The following ADAM10 variants were observed in gnomAD, a reference collection of about 807,000 sequenced individuals.
ADAM10 encodes the protein ADAM metallopeptidase domain 10.
A neutral mutation model predicts 90.1 loss-of-function variants in ADAM10; 17 were observed. The ratio of observed to expected loss-of-function variants is 0.19; its 90% CI spans 0.13 to 0.28. The LOEUF (loss-of-function observed/expected upper bound fraction) is 0.28. Ranked by LOEUF, ADAM10 falls within the 10% of genes least tolerant of loss-of-function variation. The pLI, the probability that ADAM10 is intolerant of heterozygous loss-of-function variation, is 1.00. For synonymous variants in ADAM10, 310 were observed against 298.6 expected (o/e 1.04, Z -0.40); for missense variants, 610 against 914.3 (o/e 0.67, Z 4.29).
intron 2 of ADAM10, among the ~76,000 whole-genome samples, chr15:58,700,262 T>C (rs1024883583): frequency 1.2e-4 from 18 of 152,188 alleles, no homozygotes; most frequent in African/African-American, 4.3e-4. Context: ...CATTTACAGA[T>C]TTCATACAAC....
rs1441565753 is a variant in ADAM10, at chr15:58,589,001, AAGG to A, written c.*8543_*8545del. ...GAAAATTTATCTCCAGGTATGACGGAAGGAGGTTGTGCTGCCACAGGATTTAGA... is the reference window on the plus strand; with the variant it reads ...GAAAATTTATCTCCAGGTATGACGGAAGGTTGTGCTGCCACAGGATTTAGA... On this transcript the variant is annotated 3_prime_UTR_variant, in exon 16 of 16. Transcript: ENST00000260408. The A allele has an allele frequency of 2.0e-5, 3 of 152,238 alleles. No homozygotes were observed. The highest frequency in any genetic ancestry group is 2.9e-5 in the Non-Finnish European group (2 of 68,044). 9.4% of individuals were successfully genotyped at this position (152,238 alleles called of 1,614,324 possible). A position where few individuals can be genotyped will look rare whatever the true frequency, so the allele number is the denominator to read the frequency against.
chr15:58,668,573 A>G (rs1351455686), intron 4 of ADAM10, among the ~76,000 whole-genome samples: 1 of 151,916 alleles, frequency 6.6e-6, no homozygotes, highest in African/African-American at 2.4e-5. Context: ...CCTTATCTTC[A>G]AGGTTCAAGT....
intron 1 of ADAM10, among the ~76,000 whole-genome samples, chr15:58,719,379 C>A (rs1268539833): frequency 1.1e-4 from 16 of 152,012 alleles, no homozygotes; most frequent in African/African-American, 3.9e-4. Flanking sequence ...TGTTTCCTTT[C>A]ATGCAGGAAA....
Position 58,592,658 on chromosome 15 carries a change from A to C in ADAM10, c.*4889T>G, listed in dbSNP as rs1484760787. The C allele has an allele frequency of 6.6e-6, 1 of 152,094 alleles. No homozygotes were observed. The highest frequency in any genetic ancestry group is 1.9e-4 in the East Asian group (1 of 5,202). 9.4% of individuals were successfully genotyped at this position (152,094 alleles called of 1,614,324 possible). On this transcript the variant is annotated 3_prime_UTR_variant, in exon 16 of 16. Coordinates refer to ENST00000260408, the MANE Select transcript of ADAM10 (RefSeq NM_001110.4). ...TTGCATTTGAATTATGTCTAAAGCT[A>C]ATCAACTGAATTAAGCATGAGTCTT...
At chr15:58,631,562 T>C (rs1205103187) in intron 9 of ADAM10, among the ~76,000 whole-genome samples, 1 of 152,042 alleles carries the variant, frequency 6.6e-6, no homozygotes, top group Admixed American at 6.6e-5. Flanking sequence ...ATACAGAAAC[T>C]CAGGCCCCAT....
intron 5 of ADAM10, among the ~76,000 whole-genome samples, chr15:58,659,500 G>T (rs1896917873): frequency 2.0e-5 from 3 of 152,070 alleles, no homozygotes; most frequent in African/African-American, 7.2e-5. Context: ...TTATGTTTAT[G>T]TGGTGGATTA....
chr15:58,700,989 A>G (rs1235082578), intron 2 of ADAM10, among the ~76,000 whole-genome samples: 2 of 149,856 alleles, frequency 1.3e-5, no homozygotes, highest in Non-Finnish European at 3.0e-5. Flanking sequence ...TGGGAGACAG[A>G]ACAAAATTCC....
At chr15:58,664,064 T>G (rs1325288090) in intron 5 of ADAM10, among the ~76,000 whole-genome samples, 1 of 152,104 alleles carries the variant, frequency 6.6e-6, no homozygotes, top group African/African-American at 2.4e-5. Flanking sequence ...TACCCTCATG[T>G]TAAAAATTCT....
chr15:58,659,084 C>T (rs1022796380), intron 5 of ADAM10, among the ~76,000 whole-genome samples: 15 of 152,026 alleles, frequency 9.9e-5, no homozygotes, highest in South Asian at 4.1e-4. Context: ...ACCAGCCTGA[C>T]CAACATGGTG....
chr15:58,715,807 G>A (rs1336427045), intron 2 of ADAM10, among the ~76,000 whole-genome samples: 1 of 152,084 alleles, frequency 6.6e-6, no homozygotes, highest in Non-Finnish European at 1.5e-5. Context: ...TATTCAATAT[G>A]AATTACATGA....
intron 14 of ADAM10, among the ~76,000 whole-genome samples, chr15:58,605,286 C>T (rs1895237567): frequency 6.6e-6 from 1 of 152,196 alleles, no homozygotes; most frequent in Non-Finnish European, 1.5e-5. Flanking sequence ...ATGTATCTCA[C>T]AAGCCCAATG....
At chr15:58,723,501 A>T (rs1898926088) in intron 1 of ADAM10, among the ~76,000 whole-genome samples, 2 of 151,916 alleles carry the variant, frequency 1.3e-5, no homozygotes, top group African/African-American at 4.8e-5. Context: ...CCTGGCCAAC[A>T]GAGTGGTGAA....
chr15:58,727,268 G>A (rs1899070986), intron 1 of ADAM10, among the ~76,000 whole-genome samples: 1 of 135,534 alleles, frequency 7.4e-6, no homozygotes, highest in African/African-American at 2.8e-5. Flanking sequence ...TCGGCTCACT[G>A]CAACCTCTGC....
At chr15:58,641,440 C>T (rs1249402924) in intron 7 of ADAM10, among the ~76,000 whole-genome samples, 1 of 152,170 alleles carries the variant, frequency 6.6e-6, no homozygotes, top group Non-Finnish European at 1.5e-5. Flanking sequence ...GTTCAGCAGA[C>T]AAATCATTTT....
intron 7 of ADAM10, among the ~76,000 whole-genome samples, chr15:58,642,455 A>T (rs1896440422): frequency 1.3e-5 from 2 of 150,588 alleles, no homozygotes; most frequent in Non-Finnish European, 1.5e-5. Flanking sequence ...ACAGAGTGAG[A>T]CTCCTTCTCA....
At chr15:58,735,757 T>C (rs1323043199) in intron 1 of ADAM10, among the ~76,000 whole-genome samples, 5 of 152,242 alleles carry the variant, frequency 3.3e-5, no homozygotes, top group Non-Finnish European at 2.9e-5. Flanking sequence ...TTTACTAATC[T>C]GCCTTTTAAA....
At chr15:58,655,698 A>ATATAT (rs1896797439) in intron 5 of ADAM10, among the ~76,000 whole-genome samples, 1 of 44,030 alleles carries the variant, frequency 2.3e-5, no homozygotes, top group African/African-American at 2.2e-4. Context: ...TATATATAGT[A>ATATAT]TATATATATA....
intron 5 of ADAM10, among the ~76,000 whole-genome samples, chr15:58,649,825 T>C (rs1407300888): frequency 6.6e-6 from 1 of 152,096 alleles, no homozygotes; most frequent in African/African-American, 2.4e-5. Context: ...TTGTTTGATA[T>C]CTCTCTGTTA....
At chr15:58,597,741 T>A (rs1894997102) in intron 15 of ADAM10, 100 bp from the exon 16 acceptor site, 6 of 1,325,664 alleles carry the variant, frequency 4.5e-6, no homozygotes, top group Non-Finnish European at 6.3e-6. Context: ...TTTAGTTCAG[T>A]GCTGTCCAAT....
Sources: gnomAD v4.1 joint callset for allele counts (sites outside exome capture counted in the v4.1 genomes callset) on GRCh38, gnomAD v4.1.1 for gene constraint, MANE v1.5 for transcripts, NCBI Gene and HGNC (gene_info 2026-07-23, HGNC 2026-07-21) for gene names.